PIEZO2: variants seen among roughly 807,000 people sequenced by gnomAD.
PIEZO2 encodes the protein piezo type mechanosensitive ion channel component 2.
Under a neutral mutation model 337.3 loss-of-function variants are expected in PIEZO2, and 172 were observed. That is an observed-to-expected ratio of 0.51 (90% CI 0.45 to 0.58). The LOEUF (loss-of-function observed/expected upper bound fraction) is 0.58, where lower values mean the gene tolerates loss of function less well. Among genes scored for constraint, PIEZO2 ranks in the 20% least tolerant of loss-of-function variants. PIEZO2 has a pLI of 0.00. For synonymous variants in PIEZO2, 1,251 were observed against 1,228.5 expected (o/e 1.02, Z -0.38); for missense variants, 3,028 against 3,391.3 (o/e 0.89, Z 2.66).
chr18:10,907,319 T>C (rs1482518450), intron 4 of PIEZO2, among the ~76,000 whole-genome samples: 2 of 151,952 alleles, frequency 1.3e-5, no homozygotes, highest in East Asian at 3.9e-4. Flanking sequence ...GGCGGGTGCA[T>C]GTAATCTCAG....
chr18:11,056,206 G>A (rs2037728193), intron 2 of PIEZO2, among the ~76,000 whole-genome samples: 1 of 152,242 alleles, frequency 6.6e-6, no homozygotes, highest in Admixed American at 6.5e-5. Flanking sequence ...GTGGTCATTG[G>A]GTCCAGGCTG....
Position 10,993,840 on chromosome 18 carries a change from T to C in PIEZO2, c.161-14180A>G, listed in dbSNP as rs9964736. On this transcript the variant is annotated intron_variant, in intron 2 of 55. Coordinates refer to ENST00000674853, the MANE Select transcript of PIEZO2 (RefSeq NM_001378183.1). The surrounding 1 kb of genome is among the most constrained non-coding windows in gnomAD (Gnocchi z 5.0). ...CCGCTCCTGGCCATGTCTCTGCTTT[T>C]TTTTTATTATTAATTTTAAAATTTT... 0.038 allele frequency among the ~76,000 whole-genome samples: 5,840 copies of C among 152,260 alleles called. 358 individuals carry two copies. Among genetic ancestry groups the C allele is most frequent in the African/African-American group, 0.13 (5,397 of 41,522 alleles).
intron 30 of PIEZO2, among the ~76,000 whole-genome samples, chr18:10,745,899 T>C (rs2037404001): frequency 6.6e-6 from 1 of 152,148 alleles, no homozygotes; most frequent in African/African-American, 2.4e-5. Flanking sequence ...GCGGTCAGTC[T>C]TCCCTCCCTG....
intron 3 of PIEZO2, among the ~76,000 whole-genome samples, chr18:10,915,614 G>C (rs1476443119): frequency 2.6e-5 from 4 of 152,134 alleles, no homozygotes; most frequent in Non-Finnish European, 5.9e-5. Context: ...GTAGGTGCTA[G>C]CTTCCTATAT....
intron 2 of PIEZO2, among the ~76,000 whole-genome samples, chr18:10,996,145 G>A (rs1194798301): frequency 6.6e-6 from 1 of 152,080 alleles, no homozygotes; most frequent in Non-Finnish European, 1.5e-5. Context: ...AAAATAAATG[G>A]AAGCATAAGA....
chr18:10,787,744 T>C (rs1465168981), intron 15 of PIEZO2, among the ~76,000 whole-genome samples: 1 of 152,226 alleles, frequency 6.6e-6, no homozygotes, highest in Non-Finnish European at 1.5e-5. Context: ...CTTAACATAT[T>C]ATGTACTCTT....
chr18:11,005,623 C>T (rs2145629049), intron 2 of PIEZO2, among the ~76,000 whole-genome samples: 1 of 152,330 alleles, frequency 6.6e-6, no homozygotes, highest in South Asian at 2.1e-4. Flanking sequence ...CCTCAAGCTC[C>T]TTCACTCATG....
chr18:10,814,117 A>G (rs1034682299), intron 7 of PIEZO2, among the ~76,000 whole-genome samples: 10 of 151,606 alleles, frequency 6.6e-5, no homozygotes, highest in South Asian at 2.1e-4. Context: ...ACAGGCGCCC[A>G]CCACCACGCC....
chr18:10,714,925 A>G lies in PIEZO2; in HGVS notation c.5262T>C (p.Asn1754=). The G allele has an allele frequency of 6.5e-7, 1 of 1,537,188 alleles. No homozygotes were observed. The change falls in exon 39 of 56, where the codon AAT becomes AAC. Residue 1754 remains asparagine, a synonymous_variant. Transcript: ENST00000674853. Reference sequence around the variant, plus strand: ...TGTGGATGCTCTCCCGAGTTGGAACATTGCCCTGAGGAGAATGAGACATTG... The same window carrying G: ...TGTGGATGCTCTCCCGAGTTGGAACGTTGCCCTGAGGAGAATGAGACATTG... ...CMLTREIKKG[N]VPTRESIHMY... is the part of the protein sequence containing the mutation.
chr18:10,789,356 A>C lies in PIEZO2; in HGVS notation c.1892T>G (p.Leu631Arg). 6.5e-7 allele frequency: 1 copy of C among 1,535,530 alleles called. No individual in the cohort carries two copies. Among genetic ancestry groups the C allele is most frequent in the Non-Finnish European group, 8.7e-7 (1 of 1,146,336 alleles). Residue 631 changes from leucine (L) to arginine (R), a missense_variant, in exon 15 of 56, where the codon CTT becomes CGT. Physicochemically the swap from Leu to Arg is moderately radical, Grantham distance 102 (BLOSUM62 -2). Transcript: ENST00000674853. Reference protein sequence around the residue: ...SQENEEKDEELQDIQVEGEPK... With the variant: ...SQENEEKDEERQDIQVEGEPK... ...CTCTCCTTCCACTTGTATATCTTGA[A>C]GTTCCTCATCTTCAAATAGAAAACT...
intron 2 of PIEZO2, among the ~76,000 whole-genome samples, chr18:11,044,106 G>C (rs961114491): frequency 6.6e-6 from 1 of 151,240 alleles, no homozygotes. Flanking sequence ...ATCCAAAATT[G>C]AGATAAAAAA....
rs2039107666 is a variant in PIEZO2 at position 10,783,586 on chromosome 18, A to T, written c.2492+1198T>A. ...AGTACAGATATGGAGATGGTAAACCACTGACCCCATCCATGCCCTCCTCCC... is the reference window on the plus strand; with the variant it reads ...AGTACAGATATGGAGATGGTAAACCTCTGACCCCATCCATGCCCTCCTCCC... On this transcript the variant is annotated intron_variant, in intron 17 of 55. Coordinates refer to ENST00000674853, the MANE Select transcript of PIEZO2 (RefSeq NM_001378183.1). The surrounding 1 kb of genome is among the most constrained non-coding windows in gnomAD (Gnocchi z 4.3). Among the ~76,000 whole-genome samples the T allele has an allele frequency of 6.6e-6, 1 of 152,178 alleles. No individual in the cohort carries two copies. The highest frequency in any genetic ancestry group is 1.5e-5 in the Non-Finnish European group (1 of 68,034).
chr18:11,100,109 C>T (rs2039369857), intron 1 of PIEZO2, among the ~76,000 whole-genome samples: 1 of 152,100 alleles, frequency 6.6e-6, no homozygotes, highest in Non-Finnish European at 1.5e-5. Flanking sequence ...AAAACTGAAG[C>T]ATCAATTTGT....
At chr18:10,720,415 G>GTATA (rs1264134293) in intron 36 of PIEZO2, among the ~76,000 whole-genome samples, 3 of 39,916 alleles carry the variant, frequency 7.5e-5, no homozygotes, top group Non-Finnish European at 1.8e-4. Flanking sequence ...ATGTGTATGT[G>GTATA]TATGTATATA....
At chr18:10,681,800 C>G in intron 50 of PIEZO2, 47 bp from the exon 51 acceptor site, 1 of 1,457,626 alleles carries the variant, frequency 6.9e-7, no homozygotes, top group Non-Finnish European at 9.6e-7. Context: ...CAGCTCTTCT[C>G]TGCATCCTGA....
chr18:11,086,989 T>C (rs1284950209), intron 1 of PIEZO2, among the ~76,000 whole-genome samples: 1 of 152,184 alleles, frequency 6.6e-6, no homozygotes, highest in African/African-American at 2.4e-5. Context: ...AATTCCTATG[T>C]TGAATCCTAA....
rs34189070 is a variant in PIEZO2, at chr18:11,076,554, G to GTT, written c.65-10334_65-10333dup. On this transcript the variant is annotated intron_variant, in intron 1 of 55. Transcript: ENST00000674853. Reference sequence around the variant, plus strand: ...CAGATGATTACTAAGATCTTAGTTTGTTTTTTTTTGGCCATTAGTTTAAAA... The same window carrying GTT: ...CAGATGATTACTAAGATCTTAGTTTGTTTTTTTTTTTGGCCATTAGTTTAAAA... Among the ~76,000 whole-genome samples the GTT allele has an allele frequency of 2.5e-4, 38 of 150,038 alleles. 1 individual carries two copies. The highest frequency in any genetic ancestry group is 3.5e-3 in the Middle Eastern group (1 of 286).
rs1262733349 is a variant in PIEZO2, at chr18:11,112,156, T to C, written c.64+36369A>G. Among the ~76,000 whole-genome samples, 5 of 152,218 alleles carry C rather than the reference T, an allele frequency of 3.3e-5. No individual in the cohort carries two copies. The highest frequency in any genetic ancestry group is 7.3e-5 in the Non-Finnish European group (5 of 68,040). On this transcript the variant is annotated intron_variant, in intron 1 of 55. Coordinates refer to ENST00000674853, the MANE Select transcript of PIEZO2 (RefSeq NM_001378183.1). This position sits in a 1 kb window ranked among gnomAD's most constrained non-coding sequence, Gnocchi z 4.3. ...AATACAAAATAACCAGATACTCATA[T>C]TTATGTATGTATTTCTAATTTAAGT...
intron 2 of PIEZO2, among the ~76,000 whole-genome samples, chr18:11,005,509 G>A (rs1035354053): frequency 5.3e-5 from 8 of 152,122 alleles, no homozygotes; most frequent in African/African-American, 1.9e-4. Context: ...ATCAAGGAGC[G>A]GTATCAGGGA....
Sources: gnomAD v4.1 joint callset for allele counts (sites outside exome capture counted in the v4.1 genomes callset) on GRCh38, gnomAD v4.1.1 for gene constraint, Gnocchi (gnomAD v3.1) non-coding constraint, MANE v1.5 for transcripts, NCBI Gene and HGNC (gene_info 2026-07-23, HGNC 2026-07-21) for gene names.